Variants in CNTLN observed in about 807,000 individuals in gnomAD.
The protein encoded by CNTLN is centlein.
A neutral mutation model predicts 180.0 loss-of-function variants in CNTLN; 212 were observed. That is an observed-to-expected ratio of 1.18 (90% confidence interval 1.05 to 1.32). The LOEUF (loss-of-function observed/expected upper bound fraction) is 1.32, where lower values mean the gene tolerates loss of function less well. Ranked by LOEUF, CNTLN falls within the 40% of genes most tolerant of loss-of-function variation. CNTLN has a pLI of 0.00. For synonymous variants in CNTLN, 722 were observed against 563.1 expected, an observed-to-expected ratio of 1.28 and a Z score of -3.99; for missense variants, 2,095 against 1,610.9, an observed-to-expected ratio of 1.30 and a Z score of -5.14.
intron 13 of CNTLN, among the ~76,000 whole-genome samples, chr9:17,368,593 G>C (rs1289517353): frequency 6.6e-6 from 1 of 152,180 alleles, no homozygotes; most frequent in Non-Finnish European, 1.5e-5. Flanking sequence ...AGTCCCAGTG[G>C]TGGTGGCCAC....
chr9:17,148,584 C>T (rs1019158128), intron 2 of CNTLN, among the ~76,000 whole-genome samples: 18 of 152,228 alleles, frequency 1.2e-4, no homozygotes, highest in Non-Finnish European at 2.2e-4. Flanking sequence ...AGCACTTCAG[C>T]ACTGTGCTTG....
rs545238448 is a variant in CNTLN, at chr9:17,143,321, C to T, written c.394C>T (p.Arg132Cys). Reference sequence around the variant, plus strand: ...AGAATTTGTATGGTCTTTGTGGAAACGTCTCCAGGTTACAAACCCAGATCT... The same window carrying T: ...AGAATTTGTATGGTCTTTGTGGAAATGTCTCCAGGTTACAAACCCAGATCT... ...DKEFVWSLWK[R>C]LQVTNPDLTQ... The change falls in exon 2 of 26, where the codon CGT becomes TGT. Residue 132 changes from arginine (R) to cysteine (C), a missense_variant. Arg to Cys is a radical substitution (Grantham distance 180, BLOSUM62 -3). Transcript: ENST00000380647. 5.6e-6 allele frequency: 9 copies of T among 1,613,438 alleles called. No individual in the cohort carries two copies. Among genetic ancestry groups the T allele is most frequent in the African/African-American group, 4.0e-5 (3 of 74,972 alleles).
chr9:17,143,786 C>T (rs1378877422), intron 2 of CNTLN, among the ~76,000 whole-genome samples: 1 of 152,146 alleles, frequency 6.6e-6, no homozygotes, highest in South Asian at 2.1e-4. Context: ...TAATTGAAAG[C>T]CGGGGATGAC....
At chr9:17,424,796 T>A (rs916652619) in intron 18 of CNTLN, among the ~76,000 whole-genome samples, 1 of 152,180 alleles carries the variant, frequency 6.6e-6, no homozygotes, top group African/African-American at 2.4e-5. Context: ...TGGCACACTC[T>A]TGCCCTTTCA....
chr9:17,266,903 C>A (rs1440016796), intron 5 of CNTLN, among the ~76,000 whole-genome samples: 3 of 152,108 alleles, frequency 2.0e-5, no homozygotes, highest in African/African-American at 7.2e-5. Flanking sequence ...AGATCTTTCT[C>A]CATCCCTTTA....
Position 17,466,124 on chromosome 9 carries a change from C to CT in CNTLN, c.3669+10dup. 6.3e-7 allele frequency: 1 copy of CT among 1,594,984 alleles called. No homozygotes were observed. Among genetic ancestry groups the CT allele is most frequent in the Admixed American group, 1.7e-5 (1 of 58,038 alleles). On this transcript the variant is annotated splice_region_variant and intron_variant, in intron 22 of 25. Coordinates refer to ENST00000380647, the MANE Select transcript of CNTLN (RefSeq NM_017738.4). ...AAGAGGAGTTAGAAAAAAAGGTATG[C>CT]TTTTAAAAAGGGCATTTTAGATTAC...
chr9:17,247,725 T>A (rs1033381377), intron 5 of CNTLN, among the ~76,000 whole-genome samples: 3 of 151,748 alleles, frequency 2.0e-5, no homozygotes, highest in African/African-American at 7.3e-5. Flanking sequence ...CCACTTCCTC[T>A]CACCAGGTGT....
chr9:17,299,614 A>C (rs1818208161), intron 7 of CNTLN: 1 of 985,184 alleles, frequency 1.0e-6, no homozygotes. Context: ...GATAGCAAGC[A>C]GGAAGATACA....
intron 7 of CNTLN, chr9:17,302,095 C>G: frequency 1.1e-6 from 1 of 901,668 alleles, no homozygotes; most frequent in Non-Finnish European, 1.3e-6. Context: ...TGTGTACACA[C>G]ACACACACAC....
At chr9:17,238,200 A>G (rs1825271771) in intron 5 of CNTLN, among the ~76,000 whole-genome samples, 1 of 152,120 alleles carries the variant, frequency 6.6e-6, no homozygotes, top group African/African-American at 2.4e-5. Context: ...CTTCTGTTCT[A>G]CAGACGTTGA....
intron 2 of CNTLN, among the ~76,000 whole-genome samples, chr9:17,199,968 T>C (rs1822410698): frequency 2.0e-5 from 3 of 152,202 alleles, no homozygotes; most frequent in African/African-American, 7.2e-5. Flanking sequence ...TTTATGGTTT[T>C]GGGTTTTACA....
intron 2 of CNTLN, among the ~76,000 whole-genome samples, chr9:17,208,365 G>T (rs1823065486): frequency 6.6e-6 from 1 of 152,054 alleles, no homozygotes; most frequent in Non-Finnish European, 1.5e-5. Context: ...TGTTGAATTT[G>T]GTTTGGTAGT....
chr9:17,266,583 T>C (rs924678766), intron 5 of CNTLN, among the ~76,000 whole-genome samples: 33 of 152,310 alleles, frequency 2.2e-4, no homozygotes, highest in Admixed American at 1.8e-3. Flanking sequence ...GTTCAATTCC[T>C]GGGTATCCTT....
At chr9:17,167,703 CAG>C (rs1461586212) in intron 2 of CNTLN, 55 of 152,240 alleles carry the variant, frequency 3.6e-4, no homozygotes, top group African/African-American at 1.1e-3. Flanking sequence ...TTGTTAATAA[CAG>C]AGTGATGCAA....
At chr9:17,326,538 A>G (rs952662332) in intron 8 of CNTLN, among the ~76,000 whole-genome samples, 10 of 152,108 alleles carry the variant, frequency 6.6e-5, no homozygotes, top group African/African-American at 2.4e-4. Context: ...TATAATAGTT[A>G]TATGTGTATA....
chr9:17,296,840 A>G (rs1433138568), intron 6 of CNTLN, among the ~76,000 whole-genome samples: 1 of 152,192 alleles, frequency 6.6e-6, no homozygotes, highest in Admixed American at 6.5e-5. Flanking sequence ...TGGTTTGAGA[A>G]CATTAATGTT....
At chr9:17,348,882 C>A (rs1479410205) in intron 12 of CNTLN, among the ~76,000 whole-genome samples, 2 of 152,140 alleles carry the variant, frequency 1.3e-5, no homozygotes, top group Middle Eastern at 3.4e-3. Context: ...TGTTTTTTCC[C>A]CCTAGTTGAT....
At chr9:17,397,435 T>C (rs527461979) in intron 15 of CNTLN, among the ~76,000 whole-genome samples, 1 of 152,268 alleles carries the variant, frequency 6.6e-6, no homozygotes, top group East Asian at 1.9e-4. Flanking sequence ...CCATATAGGG[T>C]AACTTCCTGA....
At chr9:17,448,103 CA>C in intron 18 of CNTLN, 1 of 187,344 alleles carries the variant, frequency 5.3e-6, no homozygotes, top group South Asian at 1.2e-4. Flanking sequence ...AGTTTGAGGC[CA>C]AGTACCGTAC....
Sources: gnomAD v4.1 joint callset for allele counts (sites outside exome capture counted in the v4.1 genomes callset) on GRCh38, gnomAD v4.1.1 for gene constraint, MANE v1.5 for transcripts, NCBI Gene and HGNC (gene_info 2026-07-23, HGNC 2026-07-21) for gene names.